Variants in SPAG16 observed in about 807,000 individuals in gnomAD.
SPAG16 encodes sperm associated antigen 16.
Under a neutral mutation model 80.4 loss-of-function variants are expected in SPAG16, and 86 were observed. The ratio of observed to expected loss-of-function variants is 1.07; its 90% CI spans 0.90 to 1.28. The LOEUF (loss-of-function observed/expected upper bound fraction) is 1.28. Ranked by LOEUF, SPAG16 falls within the 50% of genes most tolerant of loss-of-function variation. The pLI, the probability that SPAG16 is intolerant of heterozygous loss-of-function variation, is 0.00. For missense variants in SPAG16, 870 were observed against 765.3 expected (o/e 1.14, Z -1.61); for synonymous variants, 294 against 265.9 (o/e 1.11, Z -1.03).
chr2:213,326,858 A>G (rs935780652), intron 5 of SPAG16, among the ~76,000 whole-genome samples: 1 of 152,016 alleles, frequency 6.6e-6, no homozygotes, highest in Non-Finnish European at 1.5e-5. Context: ...TTATTTTACC[A>G]TGGATATTCA....
At chr2:213,610,426 G>T (rs1057304836) in intron 10 of SPAG16, among the ~76,000 whole-genome samples, 1 of 152,148 alleles carries the variant, frequency 6.6e-6, no homozygotes, top group Admixed American at 6.5e-5. Context: ...TCCGAGGGCT[G>T]CTTTCTGTGA....
chr2:214,141,323 C>T (rs2055347008), intron 14 of SPAG16, among the ~76,000 whole-genome samples: 1 of 151,726 alleles, frequency 6.6e-6, no homozygotes, highest in Non-Finnish European at 1.5e-5. Flanking sequence ...AAAAATTAGC[C>T]AGGCACGGTG....
intron 11 of SPAG16, among the ~76,000 whole-genome samples, chr2:213,901,495 G>A (rs1162279669): frequency 6.6e-6 from 1 of 152,164 alleles, no homozygotes; most frequent in African/African-American, 2.4e-5. Context: ...TGTTATTGTA[G>A]TGAAAAGGAA....
At chr2:214,216,163 T>C (rs1193951101) in intron 15 of SPAG16, among the ~76,000 whole-genome samples, 3 of 152,196 alleles carry the variant, frequency 2.0e-5, no homozygotes, top group African/African-American at 7.2e-5. Context: ...TTGATTGGGA[T>C]TGAAAATTAT....
At chr2:213,772,485 A>G (rs1248103393) in intron 10 of SPAG16, among the ~76,000 whole-genome samples, 1 of 152,190 alleles carries the variant, frequency 6.6e-6, no homozygotes, top group African/African-American at 2.4e-5. Context: ...GTTTTTGCCT[A>G]GAAGTTTTTT....
chr2:214,070,767 G>GA, intron 13 of SPAG16, among the ~76,000 whole-genome samples: 2 of 151,716 alleles, frequency 1.3e-5, no homozygotes, highest in African/African-American at 4.8e-5. Context: ...ATCCTACTTG[G>GA]TTATGGTTTT....
At position 213,915,433 on chromosome 2, in the gene SPAG16, T is replaced by A. The variant is rs571087961; in HGVS notation, c.1215-14527T>A. 6.2e-4 allele frequency among the ~76,000 whole-genome samples: 95 copies of A among 152,280 alleles called. No homozygotes were observed. In the South Asian group the frequency reaches 0.017, roughly 28 times the overall value. The stretch of plus-strand genomic sequence containing the variant: ...CTGAGAATGATGGTTTCCAGCTTCA[T>A]CCTTGTCCTTGCAAAGGACATGAAC... On this transcript the variant is annotated intron_variant, in intron 11 of 15. Coordinates refer to ENST00000331683, the MANE Select transcript of SPAG16 (RefSeq NM_024532.5).
At chr2:213,703,136 C>T (rs2065570899) in intron 10 of SPAG16, among the ~76,000 whole-genome samples, 1 of 152,092 alleles carries the variant, frequency 6.6e-6, no homozygotes, top group African/African-American at 2.4e-5. Flanking sequence ...TAGTGGGTTC[C>T]AAAAGATGAC....
At chr2:214,019,613 G>A (rs1156654416) in intron 13 of SPAG16, among the ~76,000 whole-genome samples, 1 of 152,204 alleles carries the variant, frequency 6.6e-6, no homozygotes, top group African/African-American at 2.4e-5. Context: ...GTTGGCTCCT[G>A]TTTGGTGCCA....
At chr2:213,947,176 T>G (rs920547727) in intron 12 of SPAG16, among the ~76,000 whole-genome samples, 6 of 152,202 alleles carry the variant, frequency 3.9e-5, no homozygotes, top group Non-Finnish European at 7.4e-5. Flanking sequence ...AGGTTTTGTT[T>G]GAACATAAGT....
intron 13 of SPAG16, among the ~76,000 whole-genome samples, chr2:214,068,358 T>C (rs1428779735): frequency 6.6e-6 from 1 of 152,156 alleles, no homozygotes; most frequent in Non-Finnish European, 1.5e-5. Flanking sequence ...CAAACCATTA[T>C]GTTGAACTCA....
intron 15 of SPAG16, among the ~76,000 whole-genome samples, chr2:214,235,399 C>T (rs1295775003): frequency 6.6e-6 from 1 of 151,864 alleles, no homozygotes; most frequent in East Asian, 1.9e-4. Flanking sequence ...AATATTATAC[C>T]ATATTTATTG....
At chr2:213,798,460 G>A (rs1192227034) in intron 10 of SPAG16, among the ~76,000 whole-genome samples, 1 of 151,958 alleles carries the variant, frequency 6.6e-6, no homozygotes, top group Non-Finnish European at 1.5e-5. Flanking sequence ...TCACCATGAT[G>A]GGCAGGCTGG....
At chr2:214,058,798 AG>A (rs1239048325) in intron 13 of SPAG16, among the ~76,000 whole-genome samples, 1 of 152,134 alleles carries the variant, frequency 6.6e-6, no homozygotes, top group Non-Finnish European at 1.5e-5. Context: ...TGAGAAAGGG[AG>A]GTAGAGGCAT....
At chr2:214,401,901 C>T (rs1701730024) in intron 15 of SPAG16, among the ~76,000 whole-genome samples, 1 of 151,770 alleles carries the variant, frequency 6.6e-6, no homozygotes, top group African/African-American at 2.4e-5. Context: ...AATAGATATT[C>T]TGAATTTTCT....
intron 10 of SPAG16, among the ~76,000 whole-genome samples, chr2:213,599,669 A>G (rs2060996411): frequency 6.6e-6 from 1 of 152,146 alleles, no homozygotes. Context: ...GTCCGCAAGA[A>G]GGCTATTAGT....
At chr2:214,116,950 G>A (rs2053963090) in intron 14 of SPAG16, among the ~76,000 whole-genome samples, 1 of 152,144 alleles carries the variant, frequency 6.6e-6, no homozygotes, top group Non-Finnish European at 1.5e-5. Flanking sequence ...TGCAGACATT[G>A]TCACATGTCC....
At chr2:213,584,961 G>A (rs1485067185) in intron 10 of SPAG16, among the ~76,000 whole-genome samples, 1 of 152,048 alleles carries the variant, frequency 6.6e-6, no homozygotes, top group African/African-American at 2.4e-5. Context: ...GGGTGAGGTG[G>A]GTAGATCACC....
intron 10 of SPAG16, among the ~76,000 whole-genome samples, chr2:213,540,417 G>A (rs1575894946): frequency 6.6e-6 from 1 of 151,910 alleles, no homozygotes; most frequent in East Asian, 1.9e-4. Flanking sequence ...CCTAAACTTG[G>A]AACTTGGGAA....
Sources: allele counts gnomAD v4.1 joint callset (sites outside exome capture counted in the v4.1 genomes callset), GRCh38; gene constraint gnomAD v4.1.1; transcripts MANE v1.5; gene names NCBI Gene and HGNC (gene_info 2026-07-23, HGNC 2026-07-21).